The following MCF2L2 variants were observed in gnomAD, a reference collection of about 807,000 sequenced individuals.
MCF2L2 encodes the protein probable guanine nucleotide exchange factor MCF2L2.
Under a neutral mutation model 150.2 loss-of-function variants are expected in MCF2L2, and 102 were observed. The ratio of observed to expected loss-of-function variants is 0.68; its 90% CI spans 0.58 to 0.80. The LOEUF (loss-of-function observed/expected upper bound fraction) is 0.80, where lower values mean the gene tolerates loss of function less well. Among genes scored for constraint, MCF2L2 ranks in the 30% least tolerant of loss-of-function variants. The pLI is 0.00. For missense variants in MCF2L2, 1,256 were observed against 1,372.8 expected, an observed-to-expected ratio of 0.91 and a Z score of 1.34; for synonymous variants, 465 against 491.3, an observed-to-expected ratio of 0.95 and a Z score of 0.71.
intron 1 of MCF2L2, among the ~76,000 whole-genome samples, chr3:183,408,278 G>A (rs539867940): frequency 1.3e-5 from 2 of 152,244 alleles, no homozygotes; most frequent in South Asian, 4.1e-4. Flanking sequence ...AGAACCCTGG[G>A]GAGGCTTGGG....
In MCF2L2 at chr3:183,389,712, TTGTC is replaced by T. The variant is rs1714034218; in HGVS notation, c.140_143del (p.Arg47AsnfsTer34). ...GCCCCTTACCTGAAAGAATGGCAAATTGTCTGTGAAGTTGTTCTATTATCTCCAC... is the reference window on the plus strand; with the variant it reads ...GCCCCTTACCTGAAAGAATGGCAAATTGTGAAGTTGTTCTATTATCTCCAC... On this transcript the variant is annotated frameshift_variant, in exon 2 of 30. Transcript: ENST00000328913. LOFTEE classifies it high-confidence loss of function. 1 of 1,613,934 alleles carries T rather than the reference TTGTC, an allele frequency of 6.2e-7. No homozygotes were observed. The highest frequency in any genetic ancestry group is 8.5e-7 in the Non-Finnish European group (1 of 1,179,956).
rs140996846 is a variant in MCF2L2 at position 183,262,629 on chromosome 3, A to C, written c.1862+14243T>G. Among the ~76,000 whole-genome samples, 13 of 149,862 alleles carry C rather than the reference A, an allele frequency of 8.7e-5. No homozygotes were observed. In the East Asian group the frequency reaches 2.4e-3, roughly 27 times the overall value. On this transcript the variant is annotated intron_variant, in intron 15 of 29. Transcript: ENST00000328913. The stretch of plus-strand genomic sequence containing the variant: ...TTGGGGAACTAGGGAGCCCATGAGG[A>C]GGCGGCCCAGAAGGGGAGGAGGAGC...
At chr3:183,206,866 C>T (rs933136577) in intron 23 of MCF2L2, among the ~76,000 whole-genome samples, 10 of 145,346 alleles carry the variant, frequency 6.9e-5, no homozygotes, top group African/African-American at 2.3e-4. Context: ...AAAACTCTGT[C>T]GAAAGAAAAG....
At chr3:183,400,443 GGTGA>G (rs1354640107) in intron 1 of MCF2L2, 1 of 456,480 alleles carries the variant, frequency 2.2e-6, no homozygotes, top group East Asian at 6.9e-5. Flanking sequence ...CAAGGTGTAA[GGTGA>G]GTATCTAGGA....
At chr3:183,321,671 G>A (rs934111761) in intron 6 of MCF2L2, among the ~76,000 whole-genome samples, 5 of 152,102 alleles carry the variant, frequency 3.3e-5, no homozygotes, top group African/African-American at 1.2e-4. Flanking sequence ...AATGAAACAC[G>A]ACTGTATGTG....
intron 25 of MCF2L2, among the ~76,000 whole-genome samples, chr3:183,198,315 G>A (rs904783694): frequency 1.3e-5 from 2 of 152,038 alleles, no homozygotes; most frequent in African/African-American, 2.4e-5. Flanking sequence ...TTATGCAGAG[G>A]AGAGAAGCCA....
chr3:183,188,683 T>C (rs1280822174), intron 27 of MCF2L2, among the ~76,000 whole-genome samples: 1 of 152,118 alleles, frequency 6.6e-6, no homozygotes, highest in African/African-American at 2.4e-5. Flanking sequence ...AGCAGTGTTA[T>C]ACAGCCTGGC....
intron 27 of MCF2L2, among the ~76,000 whole-genome samples, chr3:183,190,226 C>T (rs1721830374): frequency 6.6e-6 from 1 of 152,206 alleles, no homozygotes; most frequent in Non-Finnish European, 1.5e-5. Context: ...CCACCTGTAT[C>T]TGATCCCAGG....
chr3:183,400,249 AT>A (rs1228128784), intron 1 of MCF2L2: 5 of 331,258 alleles, frequency 1.5e-5, no homozygotes, highest in Non-Finnish European at 2.4e-5. Context: ...GCAAAGTAAG[AT>A]TTTTTTTAAT....
At chr3:183,399,715 A>G (rs1714641035) in intron 1 of MCF2L2, among the ~76,000 whole-genome samples, 1 of 152,190 alleles carries the variant, frequency 6.6e-6, no homozygotes, top group Non-Finnish European at 1.5e-5. Context: ...CATAATCTGG[A>G]TTCTTATTTT....
intron 15 of MCF2L2, among the ~76,000 whole-genome samples, chr3:183,249,688 C>A (rs1260081178): frequency 6.6e-6 from 1 of 152,146 alleles, no homozygotes; most frequent in Non-Finnish European, 1.5e-5. Flanking sequence ...GGGTGCCAGG[C>A]CATAGAAGCA....
chr3:183,192,069 T>G (rs1721914328), intron 27 of MCF2L2, among the ~76,000 whole-genome samples: 1 of 151,640 alleles, frequency 6.6e-6, no homozygotes, highest in Non-Finnish European at 1.5e-5. Context: ...CAGGGTGATC[T>G]CGATCTCCTG....
At chr3:183,384,509 C>G (rs1174210468) in intron 2 of MCF2L2, among the ~76,000 whole-genome samples, 1 of 152,118 alleles carries the variant, frequency 6.6e-6, no homozygotes, top group African/African-American at 2.4e-5. Context: ...CCATCCAGAT[C>G]AATAAATGGG....
At chr3:183,193,535 G>C (rs951605233) in intron 26 of MCF2L2, among the ~76,000 whole-genome samples, 2 of 152,014 alleles carry the variant, frequency 1.3e-5, no homozygotes, top group Admixed American at 6.5e-5. Context: ...ATTTTTAGTA[G>C]AGACGAGGTT....
At chr3:183,254,568 C>G (rs901016044) in intron 15 of MCF2L2, 13 of 152,138 alleles carry the variant, frequency 8.5e-5, no homozygotes, top group African/African-American at 3.1e-4. Flanking sequence ...GTCCCCGTCC[C>G]TGAGGAGCTC....
chr3:183,265,070 G>C (rs1044339837), intron 15 of MCF2L2, among the ~76,000 whole-genome samples: 3 of 152,124 alleles, frequency 2.0e-5, no homozygotes, highest in Non-Finnish European at 4.4e-5. Flanking sequence ...TCTCTCCCAT[G>C]CTTTTTCTAT....
chr3:183,185,905 A>T (rs542561058), intron 27 of MCF2L2, among the ~76,000 whole-genome samples: 1 of 149,722 alleles, frequency 6.7e-6, no homozygotes, highest in South Asian at 2.1e-4. Context: ...CTCAGGGCAC[A>T]TTTTTTTTTT....
intron 15 of MCF2L2, among the ~76,000 whole-genome samples, chr3:183,245,318 G>A (rs1724200342): frequency 6.6e-6 from 1 of 152,202 alleles, no homozygotes; most frequent in African/African-American, 2.4e-5. Flanking sequence ...TCCTCTACAA[G>A]AGGTACAGGG....
chr3:183,423,453 T>C (rs186686474), intron 1 of MCF2L2, among the ~76,000 whole-genome samples: 187 of 152,280 alleles, frequency 1.2e-3, no homozygotes, highest in African/African-American at 4.2e-3. Context: ...GATATTCTTT[T>C]CTGCTTCACA....
Sources: gnomAD v4.1 joint callset for allele counts (sites outside exome capture counted in the v4.1 genomes callset) on GRCh38, gnomAD v4.1.1 for gene constraint, MANE v1.5 for transcripts, NCBI Gene and HGNC (gene_info 2026-07-23, HGNC 2026-07-21) for gene names.